NBAS: variants seen among roughly 807,000 people sequenced by gnomAD.
NBAS encodes the protein NAG/BC035112 fusion.
NBAS carries 219 observed loss-of-function variants against 302.5 expected under a neutral mutation model. The ratio of observed to expected loss-of-function variants is 0.72; its 90% CI spans 0.65 to 0.81. The LOEUF (loss-of-function observed/expected upper bound fraction) is 0.81. NBAS is among the 30% of genes least tolerant of loss of function. NBAS has a pLI of 0.00. For missense variants in NBAS, 2,932 were observed against 2,841.6 expected (o/e 1.03, Z -0.72); for synonymous variants, 1,118 against 1,021.6 (o/e 1.09, Z -1.80).
At chr2:15,258,906 C>A (rs1179490281) in intron 44 of NBAS, among the ~76,000 whole-genome samples, 1 of 152,148 alleles carries the variant, frequency 6.6e-6, no homozygotes, top group Non-Finnish European at 1.5e-5. Context: ...TAAAAACCTG[C>A]TGGTTTTGCG....
the NBAS span, among the ~76,000 whole-genome samples, chr2:15,051,288 CTCAA>C: frequency 1.3e-5 from 2 of 152,204 alleles, no homozygotes; most frequent in African/African-American, 4.8e-5. Context: ...GCCAGTACAC[CTCAA>C]TCAGTGACCT....
intron 48 of NBAS, among the ~76,000 whole-genome samples, chr2:15,208,532 T>C (rs539606619): frequency 1.3e-5 from 2 of 152,290 alleles, no homozygotes; most frequent in South Asian, 4.1e-4. Context: ...TTGGATTTAA[T>C]CGGTACTATG....
At chr2:15,350,260 T>C (rs1010277561) in intron 35 of NBAS, among the ~76,000 whole-genome samples, 1 of 152,096 alleles carries the variant, frequency 6.6e-6, no homozygotes, top group East Asian at 1.9e-4. Flanking sequence ...ACTAATGACT[T>C]TGTCAAGATG....
intron 44 of NBAS, among the ~76,000 whole-genome samples, chr2:15,239,401 GTATATA>G (rs3085556): frequency 6.9e-6 from 1 of 144,660 alleles, no homozygotes. Flanking sequence ...GTGTGTGTGT[GTATATA>G]TATATATATA....
chr2:15,207,488 T>A (rs1300611908), intron 48 of NBAS, among the ~76,000 whole-genome samples: 1 of 152,126 alleles, frequency 6.6e-6, no homozygotes, highest in Non-Finnish European at 1.5e-5. Flanking sequence ...GCATATTGGT[T>A]TTGAAAAGTG....
the NBAS span, among the ~76,000 whole-genome samples, chr2:14,918,330 A>T: frequency 0.4 from 59,679 of 147,838 alleles, 12,391 homozygotes; most frequent in African/African-American, 0.48. Context: ...AAAAAAAAAA[A>T]CAATGTAATG....
chr2:14,960,951 C>A, the NBAS span, among the ~76,000 whole-genome samples: 177 of 152,186 alleles, frequency 1.2e-3, no homozygotes, highest in African/African-American at 3.9e-3. Context: ...CTCTCAAAAG[C>A]AGCAAGTCAC....
the NBAS span, among the ~76,000 whole-genome samples, chr2:14,969,005 T>C: frequency 6.6e-6 from 1 of 152,232 alleles, no homozygotes; most frequent in Non-Finnish European, 1.5e-5. Context: ...TGGTATATTA[T>C]GTGGCCATAA....
intron 45 of NBAS, among the ~76,000 whole-genome samples, chr2:15,237,741 GT>G (rs539409978): frequency 9.9e-4 from 143 of 144,252 alleles, no homozygotes; most frequent in African/African-American, 3.5e-3. Flanking sequence ...GATTACAGGT[GT>G]TGTGCCACCA....
chr2:15,387,638 A>AT (rs200802033), intron 28 of NBAS, among the ~76,000 whole-genome samples: 1,930 of 149,646 alleles, frequency 0.013, 34 homozygotes, highest in African/African-American at 0.045. Flanking sequence ...TCTGGAAATT[A>AT]TTTTTTTTTT....
chr2:14,787,438 A>G, the NBAS span, among the ~76,000 whole-genome samples: 9 of 152,158 alleles, frequency 5.9e-5, no homozygotes, highest in Non-Finnish European at 1.3e-4. Flanking sequence ...ACAATTTGGC[A>G]TGATTTTGCA....
At chr2:14,819,766 G>C in the NBAS span, among the ~76,000 whole-genome samples, 1 of 152,110 alleles carries the variant, frequency 6.6e-6, no homozygotes, top group Non-Finnish European at 1.5e-5. Flanking sequence ...CTACCTATCT[G>C]ACAAGAAATT....
chr2:15,338,265 G>C (rs572427278), intron 35 of NBAS, among the ~76,000 whole-genome samples: 2 of 152,178 alleles, frequency 1.3e-5, no homozygotes, highest in South Asian at 4.1e-4. Flanking sequence ...CTGAGCTGTT[G>C]GCACATATAA....
In NBAS at chr2:15,519,097, T is replaced by G. The variant is rs571174793; in HGVS notation, c.747-7747A>C. Among the ~76,000 whole-genome samples the G allele has an allele frequency of 2.6e-5, 4 of 152,314 alleles. No homozygotes were observed. In the South Asian group the frequency reaches 8.3e-4, roughly 32 times the overall value. ...AATGATGGGTCTAGAATCAGAAGTA[T>G]CAAGTTCAACTAACCTTTGCTAAAA... On this transcript the variant is annotated intron_variant, in intron 9 of 51. Coordinates refer to ENST00000281513, the MANE Select transcript of NBAS (RefSeq NM_015909.4).
intron 11 of NBAS, among the ~76,000 whole-genome samples, chr2:15,491,716 A>T (rs1447888498): frequency 1.3e-5 from 2 of 152,054 alleles, no homozygotes; most frequent in Admixed American, 6.5e-5. Context: ...AGCCTGGGCG[A>T]CAGAGTGAGA....
At chr2:15,340,416 C>A (rs1297249503) in intron 35 of NBAS, among the ~76,000 whole-genome samples, 1 of 152,038 alleles carries the variant, frequency 6.6e-6, no homozygotes, top group Non-Finnish European at 1.5e-5. Context: ...GGAAAAACTG[C>A]AGAAAGAAGG....
intron 10 of NBAS, among the ~76,000 whole-genome samples, chr2:15,505,178 T>C (rs2287267): frequency 0.59 from 89,179 of 151,520 alleles, 26,813 homozygotes; most frequent in Middle Eastern, 0.63. Context: ...CCCCACTTAC[T>C]CCATTGTGAC....
chr2:15,098,756 ACAGGG>A, the NBAS span, among the ~76,000 whole-genome samples: 71 of 143,968 alleles, frequency 4.9e-4, no homozygotes, highest in Middle Eastern at 3.6e-3. Flanking sequence ...ACTATGACCT[ACAGGG>A]CAAATCTAGC....
intron 47 of NBAS, among the ~76,000 whole-genome samples, chr2:15,225,508 T>C (rs1007435513): frequency 1.3e-5 from 2 of 151,694 alleles, no homozygotes; most frequent in African/African-American, 4.9e-5. Context: ...CGTTCTTTCT[T>C]CTCTTTTATT....
Sources: gnomAD v4.1 joint callset for allele counts (sites outside exome capture counted in the v4.1 genomes callset) on GRCh38, gnomAD v4.1.1 for gene constraint, MANE v1.5 for transcripts, NCBI Gene and HGNC (gene_info 2026-07-23, HGNC 2026-07-21) for gene names.